The following DIAPH3 variants were observed in gnomAD, a reference collection of about 807,000 sequenced individuals.
DIAPH3 encodes protein diaphanous homolog 3.
In DIAPH3, 117 loss-of-function variants were observed where a neutral mutation model predicts 144.3. The observed-to-expected ratio is 0.81, with a 90% CI of 0.70 to 0.95. The LOEUF is 0.95. Ranked by LOEUF, DIAPH3 falls within the 40% of genes least tolerant of loss-of-function variation. The probability of loss-of-function intolerance (pLI) is 0.00; values close to 1 mark genes in which losing one functional copy is unlikely to be tolerated. For missense variants in DIAPH3, 1,421 were observed against 1,412.7 expected (o/e 1.01, Z -0.09); for synonymous variants, 519 against 488.9 (o/e 1.06, Z -0.81).
chr13:59,920,562 AT>A (rs776910591), intron 18 of DIAPH3, among the ~76,000 whole-genome samples: 9 of 151,622 alleles, frequency 5.9e-5, no homozygotes, highest in South Asian at 4.2e-4. Context: ...GTATATATAT[AT>A]ATAATTTGTA....
intron 4 of DIAPH3, among the ~76,000 whole-genome samples, chr13:60,055,859 CAGAGA>C (rs2056537925): frequency 6.6e-6 from 1 of 151,670 alleles, no homozygotes; most frequent in African/African-American, 2.4e-5. Flanking sequence ...AGAAAATTTC[CAGAGA>C]AGAAAGGGGG....
intron 27 of DIAPH3, among the ~76,000 whole-genome samples, chr13:59,714,164 T>A (rs2034904416): frequency 6.6e-6 from 1 of 151,508 alleles, no homozygotes; most frequent in South Asian, 2.1e-4. Context: ...ATCGAGACCA[T>A]CCCGGCTAAC....
chr13:59,934,349 T>C (rs1012682504), intron 17 of DIAPH3, among the ~76,000 whole-genome samples: 1 of 152,160 alleles, frequency 6.6e-6, no homozygotes, highest in Non-Finnish European at 1.5e-5. Flanking sequence ...CCTTTCTAAA[T>C]AGACTGTAAT....
chr13:59,773,246 G>A (rs1004405858), intron 27 of DIAPH3, among the ~76,000 whole-genome samples: 6 of 151,976 alleles, frequency 3.9e-5, no homozygotes, highest in Admixed American at 2.0e-4. Flanking sequence ...CTTTACCTTC[G>A]GCAGTAAGGA....
At chr13:60,024,559 TAA>T (rs1420812592) in intron 5 of DIAPH3, among the ~76,000 whole-genome samples, 3 of 151,788 alleles carry the variant, frequency 2.0e-5, no homozygotes, top group Admixed American at 6.5e-5. Flanking sequence ...GACTGCTTTT[TAA>T]AAGATTCTTG....
At chr13:60,160,308 T>G (rs1244063120) in intron 1 of DIAPH3, among the ~76,000 whole-genome samples, 2 of 152,232 alleles carry the variant, frequency 1.3e-5, no homozygotes, top group Non-Finnish European at 2.9e-5. Context: ...ATTAACAATC[T>G]ATTTGATGGA....
At chr13:59,884,870 G>T (rs1369535082) in intron 20 of DIAPH3, among the ~76,000 whole-genome samples, 1 of 150,878 alleles carries the variant, frequency 6.6e-6, no homozygotes, top group Non-Finnish European at 1.5e-5. Context: ...GTACTCTTAC[G>T]ATATTAAAGC....
At chr13:60,063,010 T>C (rs576730809) in intron 4 of DIAPH3, among the ~76,000 whole-genome samples, 7 of 152,326 alleles carry the variant, frequency 4.6e-5, no homozygotes, top group East Asian at 1.9e-4. Context: ...ACTGCATCAA[T>C]TGACTCTTCC....
At chr13:60,017,961 T>C (rs2053765698) in intron 5 of DIAPH3, among the ~76,000 whole-genome samples, 1 of 152,224 alleles carries the variant, frequency 6.6e-6, no homozygotes, top group African/African-American at 2.4e-5. Context: ...TGAAAACAAC[T>C]ACAGCATCTC....
In DIAPH3 at chr13:59,666,492, G is replaced by A; in HGVS notation, c.*92C>T. 2.9e-6 allele frequency: 4 copies of A among 1,398,488 alleles called. No individual in the cohort carries two copies. In the South Asian group the frequency reaches 3.9e-5, roughly 14 times the overall value. The allele number at this position is 1,398,488 out of a possible 1,614,324, so 86.6% of individuals were successfully genotyped here. On this transcript the variant is annotated 3_prime_UTR_variant, in exon 28 of 28. Coordinates refer to ENST00000400324, the MANE Select transcript of DIAPH3 (RefSeq NM_001042517.2). ...ATATCATAATTTAAAACTATATAAA[G>A]TCACTTACATAAAAGCAATTTTTTC...
intron 27 of DIAPH3, among the ~76,000 whole-genome samples, chr13:59,682,887 T>C (rs184473641): frequency 8.1e-4 from 123 of 152,370 alleles, no homozygotes; most frequent in Admixed American, 1.4e-3. Flanking sequence ...AGTCTAGTGA[T>C]GACCATAAAC....
At chr13:60,088,419 T>G (rs2057823470) in intron 4 of DIAPH3, among the ~76,000 whole-genome samples, 1 of 152,058 alleles carries the variant, frequency 6.6e-6, no homozygotes, top group South Asian at 2.1e-4. Flanking sequence ...CTATCCTTAC[T>G]CCCTCTCTGC....
chr13:60,047,063 G>A (rs1441295302), intron 4 of DIAPH3, among the ~76,000 whole-genome samples: 4 of 152,042 alleles, frequency 2.6e-5, no homozygotes, highest in East Asian at 1.9e-4. Flanking sequence ...ACCATGGCAC[G>A]TGTATACCTA....
chr13:60,156,200 T>C (rs74469487), intron 1 of DIAPH3, among the ~76,000 whole-genome samples: 1 of 152,136 alleles, frequency 6.6e-6, no homozygotes, highest in African/African-American at 2.4e-5. Flanking sequence ...GTCACAACAC[T>C]CTCTCCTCTT....
chr13:59,704,527 T>C (rs1037430427), intron 27 of DIAPH3, among the ~76,000 whole-genome samples: 3 of 152,250 alleles, frequency 2.0e-5, no homozygotes. Context: ...ACATGCTATG[T>C]ACAGTCATGT....
chr13:60,054,483 T>C (rs1318981147), intron 4 of DIAPH3, among the ~76,000 whole-genome samples: 1 of 152,032 alleles, frequency 6.6e-6, no homozygotes, highest in Non-Finnish European at 1.5e-5. Flanking sequence ...TCTATGCCTG[T>C]AGGTTTCTAT....
intron 27 of DIAPH3, among the ~76,000 whole-genome samples, chr13:59,684,128 C>A (rs1341967626): frequency 1.3e-5 from 2 of 151,528 alleles, no homozygotes; most frequent in East Asian, 3.9e-4. Context: ...GCTGCTGTGG[C>A]TTTCTTCTGG....
intron 5 of DIAPH3, among the ~76,000 whole-genome samples, chr13:60,035,910 A>T (rs1012680728): frequency 6.6e-6 from 1 of 152,214 alleles, no homozygotes; most frequent in African/African-American, 2.4e-5. Flanking sequence ...TACAACTTCT[A>T]TGATGTACTA....
chr13:60,013,018 G>A (rs2053383083), intron 7 of DIAPH3: 1 of 985,250 alleles, frequency 1.0e-6, no homozygotes, highest in African/African-American at 1.7e-5. Context: ...AACAAAAACT[G>A]TTGACTCTGT....
Sources: allele counts gnomAD v4.1 joint callset (sites outside exome capture counted in the v4.1 genomes callset), GRCh38; gene constraint gnomAD v4.1.1; transcripts MANE v1.5; gene names NCBI Gene and HGNC (gene_info 2026-07-23, HGNC 2026-07-21).